Variants in BMPER observed in about 807,000 individuals in gnomAD.
The protein encoded by BMPER is BMP-binding endothelial regulator protein.
In BMPER, 45 loss-of-function variants were observed where a neutral mutation model predicts 87.3. The ratio of observed to expected loss-of-function variants is 0.52; its 90% CI spans 0.41 to 0.66. The LOEUF is 0.66. Ranked by LOEUF, BMPER falls within the 30% of genes least tolerant of loss-of-function variation. The pLI, the probability that BMPER is intolerant of heterozygous loss-of-function variation, is 0.00. For missense variants in BMPER, 784 were observed against 867.5 expected (o/e 0.90, Z 1.21); for synonymous variants, 326 against 316.2 (o/e 1.03, Z -0.33).
At chr7:34,029,189 C>G (rs1159243361) in intron 6 of BMPER, among the ~76,000 whole-genome samples, 1 of 151,980 alleles carries the variant, frequency 6.6e-6, no homozygotes, top group East Asian at 1.9e-4. Context: ...TTGACACAGT[C>G]TTTGACTATA....
chr7:34,031,823 TCC>T (rs1366715141), intron 6 of BMPER, among the ~76,000 whole-genome samples: 2 of 143,564 alleles, frequency 1.4e-5, no homozygotes, highest in East Asian at 4.2e-4. Context: ...TTAAATAAAC[TCC>T]CCAAGGTAAC....
chr7:34,103,860 G>C (rs1234361749), intron 13 of BMPER, among the ~76,000 whole-genome samples: 1 of 152,172 alleles, frequency 6.6e-6, no homozygotes. Flanking sequence ...GCTCACCCTG[G>C]AGGTGCAAGG....
intron 3 of BMPER, among the ~76,000 whole-genome samples, chr7:33,957,324 G>GA (rs1785170267): frequency 6.6e-6 from 1 of 150,668 alleles, no homozygotes; most frequent in African/African-American, 2.4e-5. Flanking sequence ...GAGCTCAGAA[G>GA]AATTATTCAG....
At chr7:34,066,093 G>A (rs1017624099) in intron 11 of BMPER, among the ~76,000 whole-genome samples, 5 of 152,174 alleles carry the variant, frequency 3.3e-5, no homozygotes, top group African/African-American at 1.2e-4. Flanking sequence ...CTTAATCTTG[G>A]TAGTGTTTGG....
At position 34,085,940 on chromosome 7, in the gene BMPER, T is replaced by C. The variant is rs1293301985; in HGVS notation, c.1593T>C (p.Asn531=). ...DFAESWRVES[N]EFCNRPQRKP... is the part of the protein sequence containing the mutation. ...CTGAATCTTGGAGGGTGGAGTCCAA[T>C]GAGTTCTGCAACAGACCTCAGAGAA... is the stretch of plus-strand genomic sequence containing the variant. Residue 531 remains asparagine (N), a synonymous_variant, in exon 13 of 15, where the codon AAT becomes AAC. Coordinates refer to ENST00000649409, the MANE Select transcript of BMPER (RefSeq NM_001365308.1). 6.2e-7 allele frequency: 1 copy of C among 1,614,160 alleles called. No homozygotes were observed. The highest frequency in any genetic ancestry group is 1.7e-5 in the Admixed American group (1 of 60,024).
In BMPER at chr7:34,153,824, T is replaced by G. The variant is rs1791246356; in HGVS notation, c.*551T>G. The G allele has an allele frequency of 6.2e-6, 1 of 161,352 alleles. No homozygotes were observed. Among genetic ancestry groups the G allele is most frequent in the South Asian group, 1.7e-4 (1 of 6,052 alleles). 10.0% of individuals were successfully genotyped at this position (161,352 alleles called of 1,614,324 possible). On this transcript the variant is annotated 3_prime_UTR_variant, in exon 15 of 15. Coordinates refer to ENST00000649409, the MANE Select transcript of BMPER (RefSeq NM_001365308.1). The stretch of plus-strand genomic sequence containing the variant: ...CTAATGGTGCATGAAAAGCGAGTGA[T>G]AGGCTGTTAGAATGTATTAGGTCAT...
chr7:33,970,699 G>C (rs779259902), intron 5 of BMPER, among the ~76,000 whole-genome samples: 1 of 152,168 alleles, frequency 6.6e-6, no homozygotes, highest in Non-Finnish European at 1.5e-5. Context: ...GGAAGAAAAG[G>C]CTGTGGCTTT....
chr7:34,082,805 C>G (rs534210479), intron 12 of BMPER, among the ~76,000 whole-genome samples: 1 of 152,284 alleles, frequency 6.6e-6, no homozygotes, highest in East Asian at 1.9e-4. Context: ...TGTGTACATT[C>G]TCAACCATTT....
chr7:33,984,498 T>C (rs1785949511), intron 6 of BMPER, among the ~76,000 whole-genome samples: 2 of 152,086 alleles, frequency 1.3e-5, no homozygotes, highest in Non-Finnish European at 2.9e-5. Context: ...TGGGCTTATC[T>C]CTCCATTGCA....
At chr7:33,939,711 G>C (rs1784705109) in intron 3 of BMPER, among the ~76,000 whole-genome samples, 1 of 152,162 alleles carries the variant, frequency 6.6e-6, no homozygotes, top group Non-Finnish European at 1.5e-5. Flanking sequence ...CTGCCACCTT[G>C]TGAAGAAGGT....
chr7:34,046,706 A>G (rs1416814722), intron 7 of BMPER, among the ~76,000 whole-genome samples: 2 of 152,232 alleles, frequency 1.3e-5, no homozygotes, highest in Non-Finnish European at 2.9e-5. Context: ...TTAATAGGGC[A>G]TATGCCTATT....
chr7:34,109,290 C>G (rs1277911743), intron 13 of BMPER, among the ~76,000 whole-genome samples: 1 of 152,210 alleles, frequency 6.6e-6, no homozygotes, highest in East Asian at 1.9e-4. Flanking sequence ...GGAATTCTCT[C>G]TTACTCAGGG....
intron 14 of BMPER, among the ~76,000 whole-genome samples, chr7:34,144,289 G>A (rs1176087197): frequency 6.6e-6 from 1 of 151,898 alleles, no homozygotes; most frequent in Non-Finnish European, 1.5e-5. Context: ...GCTAGGGGAA[G>A]AGGGGCGCAA....
intron 3 of BMPER, among the ~76,000 whole-genome samples, chr7:33,962,323 A>T (rs971860106): frequency 6.6e-6 from 1 of 152,210 alleles, no homozygotes; most frequent in East Asian, 1.9e-4. Flanking sequence ...TAATTAACAT[A>T]AAAAAAGCCA....
At chr7:34,034,863 A>G (rs1204169462) in intron 6 of BMPER, among the ~76,000 whole-genome samples, 2 of 152,050 alleles carry the variant, frequency 1.3e-5, no homozygotes, top group African/African-American at 4.8e-5. Context: ...CTTGTTGTTC[A>G]TCTCTTCCTC....
chr7:34,030,447 T>C (rs754311456), intron 6 of BMPER, among the ~76,000 whole-genome samples: 27 of 152,236 alleles, frequency 1.8e-4, no homozygotes, highest in Non-Finnish European at 3.7e-4. Flanking sequence ...TCCATATTTG[T>C]TAAAAGATTT....
intron 11 of BMPER, among the ~76,000 whole-genome samples, chr7:34,077,697 C>T (rs1788900805): frequency 6.6e-6 from 1 of 152,138 alleles, no homozygotes. Flanking sequence ...CATTACACTC[C>T]AAACACTTTA....
chr7:33,983,990 A>G (rs774665966), intron 6 of BMPER, among the ~76,000 whole-genome samples: 7 of 152,228 alleles, frequency 4.6e-5, no homozygotes, highest in Admixed American at 1.3e-4. Flanking sequence ...GAGCCTAAGC[A>G]TTTGTCTCCA....
chr7:33,907,664 A>T (rs1321369557), intron 2 of BMPER, among the ~76,000 whole-genome samples: 1 of 152,228 alleles, frequency 6.6e-6, no homozygotes, highest in Non-Finnish European at 1.5e-5. Context: ...TAGACCTACA[A>T]GGTAAACATT....
Sources: gnomAD v4.1 joint callset for allele counts (sites outside exome capture counted in the v4.1 genomes callset) on GRCh38, gnomAD v4.1.1 for gene constraint, MANE v1.5 for transcripts, NCBI Gene and HGNC (gene_info 2026-07-23, HGNC 2026-07-21) for gene names.